RPSA2: variants seen among roughly 807,000 people sequenced by gnomAD.
RPSA2 encodes small ribosomal subunit protein uS2B.
At chr19:23,830,138 C>T in the RPSA2 span, among the ~76,000 whole-genome samples, 23 of 151,620 alleles carry the variant, frequency 1.5e-4, no homozygotes, top group South Asian at 1.0e-3. Flanking sequence ...TTTCATGACT[C>T]CATAACATAG....
the RPSA2 span, among the ~76,000 whole-genome samples, chr19:23,762,714 C>G: frequency 6.6e-6 from 1 of 151,754 alleles, no homozygotes; most frequent in Non-Finnish European, 1.5e-5. Flanking sequence ...CTTTCTTACC[C>G]TTAAGTAGCA....
At chr19:23,792,804 C>T in the RPSA2 span, among the ~76,000 whole-genome samples, 19 of 152,002 alleles carry the variant, frequency 1.2e-4, no homozygotes, top group East Asian at 3.5e-3. Context: ...TGAGCCACCG[C>T]GCCAGGCCAA....
At chr19:23,781,921 T>C in the RPSA2 span, among the ~76,000 whole-genome samples, 2 of 152,228 alleles carry the variant, frequency 1.3e-5, no homozygotes, top group African/African-American at 4.8e-5. Context: ...GATTCTATTC[T>C]GCCTTGATAC....
At chr19:23,847,867 A>G in the RPSA2 span, among the ~76,000 whole-genome samples, 2 of 152,122 alleles carry the variant, frequency 1.3e-5, no homozygotes, top group African/African-American at 4.8e-5. Context: ...TTGCTAAGAG[A>G]AGAATTTAGG....
At chr19:23,832,105 C>A in the RPSA2 span, 1 of 444,266 alleles carries the variant, frequency 2.3e-6, no homozygotes. Context: ...CCTTACTACA[C>A]ATAAAATAAT....
chr19:23,783,409 C>A, the RPSA2 span, among the ~76,000 whole-genome samples: 2 of 151,978 alleles, frequency 1.3e-5, no homozygotes, highest in Admixed American at 1.3e-4. Flanking sequence ...TCATTTATTT[C>A]AACATATCTC....
the RPSA2 span, among the ~76,000 whole-genome samples, chr19:23,870,756 G>A: frequency 6.6e-6 from 1 of 152,136 alleles, no homozygotes. Context: ...GCCCAACCTG[G>A]CCTTACATTC....
At chr19:23,811,030 G>A in the RPSA2 span, among the ~76,000 whole-genome samples, 13 of 142,656 alleles carry the variant, frequency 9.1e-5, no homozygotes, top group East Asian at 2.7e-3. Context: ...TTTTTGAGAC[G>A]GAGTCTTGCT....
the RPSA2 span, among the ~76,000 whole-genome samples, chr19:23,825,757 T>G: frequency 5.9e-5 from 9 of 152,106 alleles, no homozygotes; most frequent in African/African-American, 2.2e-4. Context: ...TGGCTAATAT[T>G]TTTGTATTTT....
the RPSA2 span, among the ~76,000 whole-genome samples, chr19:23,805,792 C>T: frequency 6.6e-6 from 1 of 151,970 alleles, no homozygotes; most frequent in Non-Finnish European, 1.5e-5. Context: ...GTTTTTTCTC[C>T]CTAATGAGTT....
chr19:23,825,999 A>G, the RPSA2 span, among the ~76,000 whole-genome samples: 1 of 143,416 alleles, frequency 7.0e-6, no homozygotes, highest in South Asian at 2.2e-4. Flanking sequence ...ATAACTCTGT[A>G]TCTCTTTTAG....
the RPSA2 span, among the ~76,000 whole-genome samples, chr19:23,870,142 A>G: frequency 6.6e-6 from 1 of 152,198 alleles, no homozygotes; most frequent in African/African-American, 2.4e-5. Context: ...TCATGCCTGT[A>G]GAGCCTCAGG....
chr19:23,870,940 G>T, the RPSA2 span, among the ~76,000 whole-genome samples: 1 of 152,158 alleles, frequency 6.6e-6, no homozygotes, highest in Non-Finnish European at 1.5e-5. Context: ...TATGCTAAGG[G>T]GAGCCACTCC....
At chr19:23,857,827 A>C in the RPSA2 span, among the ~76,000 whole-genome samples, 4 of 151,448 alleles carry the variant, frequency 2.6e-5, no homozygotes, top group Admixed American at 6.6e-5. Context: ...CATTTCAATA[A>C]TTTTTTTTTC....
At chr19:23,781,227 C>A in the RPSA2 span, among the ~76,000 whole-genome samples, 15 of 152,116 alleles carry the variant, frequency 9.9e-5, no homozygotes, top group Admixed American at 6.6e-4. Flanking sequence ...CCCACCTCGG[C>A]CTCCCAAAGT....
the RPSA2 span, among the ~76,000 whole-genome samples, chr19:23,824,902 T>C: frequency 9.9e-4 from 150 of 152,178 alleles, no homozygotes; most frequent in African/African-American, 3.2e-3. Context: ...ATTTTTTTTC[T>C]TCATTTTCTT....
At chr19:23,850,688 C>T in the RPSA2 span, among the ~76,000 whole-genome samples, 1 of 151,894 alleles carries the variant, frequency 6.6e-6, no homozygotes, top group African/African-American at 2.4e-5. Context: ...GCTCCAGGTT[C>T]CCAGGTATTG....
the RPSA2 span, among the ~76,000 whole-genome samples, chr19:23,794,882 C>G: frequency 2.3e-3 from 344 of 152,252 alleles, no homozygotes; most frequent in Non-Finnish European, 3.7e-3. Flanking sequence ...AATAAAGTTT[C>G]AGTCTTCTAC....
chr19:23,784,069 A>C, the RPSA2 span, among the ~76,000 whole-genome samples: 2 of 152,194 alleles, frequency 1.3e-5, no homozygotes, highest in African/African-American at 4.8e-5. Flanking sequence ...GAATTGTGAC[A>C]TATAACTTGA....
Sources: gnomAD v4.1 joint callset for allele counts (sites outside exome capture counted in the v4.1 genomes callset) on GRCh38, gnomAD v4.1.1 for gene constraint, MANE v1.5 for transcripts, NCBI Gene and HGNC (gene_info 2026-07-23, HGNC 2026-07-21) for gene names.